The following WWOX variants were observed in gnomAD, a reference collection of about 807,000 sequenced individuals.
WWOX encodes the protein WW domain-containing oxidoreductase.
In WWOX, 69 loss-of-function variants were observed where a neutral mutation model predicts 46.2. That is an observed-to-expected ratio of 1.49 (90% CI 1.23 to 1.82). The LOEUF (loss-of-function observed/expected upper bound fraction) is 1.82, where lower values mean the gene tolerates loss of function less well. Among genes scored for constraint, WWOX ranks in the 40% most tolerant of loss-of-function variants. The pLI is 0.00. For missense variants in WWOX, 919 were observed against 542.6 expected, an observed-to-expected ratio of 1.69 and a Z score of -6.89; for synonymous variants, 359 against 202.6, an observed-to-expected ratio of 1.77 and a Z score of -6.56.
chr16:78,440,430 C>G (rs776690881), intron 8 of WWOX, among the ~76,000 whole-genome samples: 42 of 152,226 alleles, frequency 2.8e-4, no homozygotes, highest in African/African-American at 9.9e-4. Flanking sequence ...GTCAAGGAAG[C>G]AGTTTTGGTC....
chr16:78,878,244 A>G (rs976661461), intron 8 of WWOX, among the ~76,000 whole-genome samples: 1 of 152,206 alleles, frequency 6.6e-6, no homozygotes, highest in African/African-American at 2.4e-5. Context: ...GACATTGGGC[A>G]GATGACTGAG....
intron 8 of WWOX, among the ~76,000 whole-genome samples, chr16:78,439,039 C>G (rs2083391784): frequency 6.6e-6 from 1 of 152,036 alleles, no homozygotes; most frequent in Admixed American, 6.5e-5. Context: ...AATACTTCTC[C>G]CCCTTTCCAT....
At chr16:78,582,925 A>C (rs1329864886) in intron 8 of WWOX, among the ~76,000 whole-genome samples, 1 of 152,194 alleles carries the variant, frequency 6.6e-6, no homozygotes, top group African/African-American at 2.4e-5. Flanking sequence ...AGAAATGATG[A>C]AAAGAAGTGC....
chr16:78,656,927 G>C lies in WWOX; in HGVS notation c.1056+224175G>C, dbSNP rs146726538. On this transcript the variant is annotated intron_variant, in intron 8 of 8. Coordinates refer to ENST00000566780, the MANE Select transcript of WWOX (RefSeq NM_016373.4). ...TAGGGAAGGCTGTCGATACACCGCT[G>C]CTCTGACCATCATGGCGTCTGGTCC... Among the ~76,000 whole-genome samples, 323 of 152,302 alleles carry C rather than the reference G, an allele frequency of 2.1e-3. 2 individuals carry two copies. The highest frequency in any genetic ancestry group is 7.3e-3 in the African/African-American group (304 of 41,572).
chr16:78,326,357 C>T (rs545700031), intron 5 of WWOX, among the ~76,000 whole-genome samples: 2 of 152,148 alleles, frequency 1.3e-5, no homozygotes, highest in African/African-American at 4.8e-5. Context: ...TTGGCATATT[C>T]TGTCTTTTTA....
At chr16:79,089,383 A>G (rs1008439211) in intron 8 of WWOX, among the ~76,000 whole-genome samples, 6 of 149,614 alleles carry the variant, frequency 4.0e-5, no homozygotes, top group Non-Finnish European at 7.4e-5. Flanking sequence ...CCAGGCTGGA[A>G]TGCAGTGGCA....
chr16:78,923,333 C>G (rs965648300), intron 8 of WWOX, among the ~76,000 whole-genome samples: 5 of 152,172 alleles, frequency 3.3e-5, no homozygotes, highest in East Asian at 1.9e-4. Flanking sequence ...CTTAATTTCA[C>G]CAGAATATCA....
chr16:78,337,752 C>G lies in WWOX; in HGVS notation c.517-49108C>G, dbSNP rs1327264594. On this transcript the variant is annotated intron_variant, in intron 5 of 8. Coordinates refer to ENST00000566780, the MANE Select transcript of WWOX (RefSeq NM_016373.4). ...TCTCAGTGCTCAGAATGAAATATCC[C>G]TGTACTCCAAGATGCCTCCAGCAAT... Among the ~76,000 whole-genome samples, 4 of 56,068 alleles carry G rather than the reference C, an allele frequency of 7.1e-5. 2 individuals are homozygous for G. Among genetic ancestry groups the G allele is most frequent in the Admixed American group, 3.2e-4 (2 of 6,290 alleles). The allele number at this position is 56,068 out of a possible 152,430, so 36.8% of individuals were successfully genotyped here.
At chr16:78,499,850 TGC>T (rs2085017316) in intron 8 of WWOX, among the ~76,000 whole-genome samples, 1 of 152,202 alleles carries the variant, frequency 6.6e-6, no homozygotes. Flanking sequence ...TTGAATTTCA[TGC>T]CATGGACCCC....
At chr16:78,817,171 T>TA (rs1567580563) in intron 8 of WWOX, among the ~76,000 whole-genome samples, 2 of 131,868 alleles carry the variant, frequency 1.5e-5, no homozygotes, top group East Asian at 2.1e-4. Flanking sequence ...TTAGTGCTAT[T>TA]CTTTTTTTTT....
At chr16:78,217,860 G>A (rs572328730) in intron 5 of WWOX, among the ~76,000 whole-genome samples, 2 of 152,250 alleles carry the variant, frequency 1.3e-5, no homozygotes, top group South Asian at 4.1e-4. Context: ...AGCTGGAAGT[G>A]GAGTGAAGTC....
chr16:78,580,548 G>T lies in WWOX; in HGVS notation c.1056+147796G>T, dbSNP rs556508143. On this transcript the variant is annotated intron_variant, in intron 8 of 8. Coordinates refer to ENST00000566780, the MANE Select transcript of WWOX (RefSeq NM_016373.4). The stretch of plus-strand genomic sequence containing the variant: ...TCACGAACAAATTGCCAAATGCAAG[G>T]CCTGAACAAAAGACACAGAAAGGAT... Among the ~76,000 whole-genome samples the T allele has an allele frequency of 8.5e-5, 13 of 152,288 alleles. No homozygotes were observed. In the South Asian group the frequency reaches 2.1e-3, roughly 24 times the overall value.
At chr16:78,373,857 G>T (rs908531489) in intron 5 of WWOX, among the ~76,000 whole-genome samples, 3 of 152,014 alleles carry the variant, frequency 2.0e-5, no homozygotes, top group Admixed American at 2.0e-4. Context: ...GCTTGATCTC[G>T]GCTCACTGCA....
At chr16:78,516,896 C>A (rs72801969) in intron 8 of WWOX, among the ~76,000 whole-genome samples, 6,039 of 152,206 alleles carry the variant, frequency 0.04, 177 homozygotes, top group East Asian at 0.12. Flanking sequence ...AGAAAAAGAT[C>A]AAGATTAACA....
intron 8 of WWOX, among the ~76,000 whole-genome samples, chr16:78,804,234 C>T (rs1027354177): frequency 1.3e-5 from 2 of 152,076 alleles, no homozygotes; most frequent in African/African-American, 4.8e-5. Flanking sequence ...GAACACAGTG[C>T]GCCCTCACTA....
At chr16:79,143,117 AG>A (rs1168245847) in intron 8 of WWOX, among the ~76,000 whole-genome samples, 2 of 152,202 alleles carry the variant, frequency 1.3e-5, no homozygotes, top group Non-Finnish European at 2.9e-5. Flanking sequence ...AAAAAGTTTA[AG>A]GGACTGTTTG....
chr16:79,050,214 C>G (rs1024706541), intron 8 of WWOX, among the ~76,000 whole-genome samples: 1 of 152,120 alleles, frequency 6.6e-6, no homozygotes, highest in Non-Finnish European at 1.5e-5. Flanking sequence ...CCCTACTGGT[C>G]CTGCTGGTTT....
intron 8 of WWOX, among the ~76,000 whole-genome samples, chr16:78,836,056 C>T (rs182182063): frequency 1.3e-5 from 2 of 152,136 alleles, no homozygotes; most frequent in South Asian, 2.1e-4. Flanking sequence ...ATTGTGTATT[C>T]ACATTGTTCT....
At chr16:79,093,611 A>C (rs889581586) in intron 8 of WWOX, among the ~76,000 whole-genome samples, 1 of 152,216 alleles carries the variant, frequency 6.6e-6, no homozygotes. Context: ...TGCCCGGTGC[A>C]GGGTGGCCCA....
Sources: gnomAD v4.1 joint callset for allele counts (sites outside exome capture counted in the v4.1 genomes callset) on GRCh38, gnomAD v4.1.1 for gene constraint, MANE v1.5 for transcripts, NCBI Gene and HGNC (gene_info 2026-07-23, HGNC 2026-07-21) for gene names.